Variants in MYO15B observed in about 807,000 individuals in gnomAD.
The protein encoded by MYO15B is myosin XVB pseudogene.
A neutral mutation model predicts 119.3 loss-of-function variants in MYO15B; 207 were observed. The ratio of observed to expected loss-of-function variants is 1.73; its 90% CI spans 1.55 to 1.95. MYO15B has a LOEUF of 1.95. MYO15B is among the 30% of genes most tolerant of loss of function. MYO15B has a pLI of 0.00. For missense variants in MYO15B, 2,264 were observed against 1,203.1 expected, an observed-to-expected ratio of 1.88 and a Z score of -13.04; for synonymous variants, 966 against 498.9, an observed-to-expected ratio of 1.94 and a Z score of -12.48.
In MYO15B at chr17:75,614,867, C is replaced by T. The variant is rs2058266962; in HGVS notation, c.5559+18C>T. The T allele has an allele frequency of 2.8e-6, 2 of 702,756 alleles. No individual in the cohort carries two copies. The highest frequency in any genetic ancestry group is 2.7e-5 in the East Asian group (1 of 37,296). 43.5% of individuals were successfully genotyped at this position (702,756 alleles called of 1,614,324 possible). ...GCCTCAGCGTGAGTCGGGCACAGCC[C>T]CCAAATGCCCCTGCCCCAACCCCCC... On this transcript the variant is annotated intron_variant, in intron 32 of 63. Coordinates refer to ENST00000645453, the Ensembl canonical transcript of MYO15B.
chr17:75,595,192 G>A (rs1733419017), intron 12 of MYO15B: 1 of 596,386 alleles, frequency 1.7e-6, no homozygotes, highest in Non-Finnish European at 3.0e-6. Flanking sequence ...TGAGGATTTA[G>A]AATCTCTCAA....
chr17:75,613,891 AG>A, intron 29 of MYO15B, 114 bp downstream of exon 29: 1 of 612,456 alleles, frequency 1.6e-6, no homozygotes, highest in Non-Finnish European at 2.9e-6. Context: ...CGGGGTGGGC[AG>A]GGGCCAGACT....
intron 27 of MYO15B, 24 bp from the exon 28 acceptor site, chr17:75,613,269 C>T: frequency 1.5e-6 from 1 of 670,118 alleles, no homozygotes; most frequent in Non-Finnish European, 2.7e-6. Flanking sequence ...CCTGCCTCCA[C>T]TGCAGCCTGT....
chr17:75,626,717 G>C, exon 64 of MYO15B: 2 of 574,936 alleles, frequency 3.5e-6, no homozygotes, highest in South Asian at 4.1e-5. Context: ...GCAGGAACTC[G>C]GCTGGGGCAC....
chr17:75,593,600 C>T (rs187395661), intron 9 of MYO15B, among the ~76,000 whole-genome samples: 35 of 145,980 alleles, frequency 2.4e-4, no homozygotes, highest in African/African-American at 6.5e-4. Context: ...GGTGACAGAG[C>T]GAGACTCCGT....
At chr17:75,614,175 A>G (rs2148005437) in intron 29 of MYO15B, 24 bp from the exon 30 acceptor site, 2 of 693,056 alleles carry the variant, frequency 2.9e-6, no homozygotes, top group Non-Finnish European at 5.3e-6. Context: ...CGCCTGCCTC[A>G]CTGACTGGTC....
chr17:75,617,872 G>C (rs1286974133), exon 42 of MYO15B: 3 of 702,886 alleles, frequency 4.3e-6, no homozygotes, highest in Admixed American at 2.0e-5. Context: ...CTCTGGCAGC[G>C]TGTGCTTCTC....
At chr17:75,596,521 T>C (rs866151597) in exon 13 of MYO15B, 1 of 703,010 alleles carries the variant, frequency 1.4e-6, no homozygotes, top group South Asian at 1.5e-5. Flanking sequence ...CGCCTACAGC[T>C]CTTCTCCAGC....
chr17:75,619,013 G>GCA (rs1358207986), intron 43 of MYO15B, 130 bp from the exon 44 acceptor site: 1 of 649,864 alleles, frequency 1.5e-6, no homozygotes, highest in African/African-American at 1.8e-5. Flanking sequence ...CCTCTGCTGA[G>GCA]CACACAGGCC....
chr17:75,599,278 G>A (rs1263356544), intron 14 of MYO15B, among the ~76,000 whole-genome samples: 2 of 143,966 alleles, frequency 1.4e-5, no homozygotes, highest in African/African-American at 5.7e-5. Context: ...TTTTGAAAGT[G>A]ATTTTTTTTT....
chr17:75,613,820 C>A (rs574315150), intron 29 of MYO15B, 43 bp downstream of exon 29: 2 of 681,916 alleles, frequency 2.9e-6, no homozygotes, highest in Non-Finnish European at 5.3e-6. Context: ...CAAAGTGACC[C>A]TTGTCCTATA....
At chr17:75,591,119 C>T in intron 3 of MYO15B, 53 bp from the exon 4 acceptor site, 1 of 701,946 alleles carries the variant, frequency 1.4e-6, no homozygotes, top group Non-Finnish European at 2.6e-6. Context: ...ACCTCTGCTA[C>T]ACCTCGGAGG....
chr17:75,625,195 G>A (rs947359291), exon 60 of MYO15B: 32 of 702,428 alleles, frequency 4.6e-5, no homozygotes, highest in East Asian at 3.8e-4. Context: ...CAGGCTGGCC[G>A]CCCTGCAGCA....
chr17:75,624,589 C>T (rs547975613), exon 58 of MYO15B: 68 of 702,992 alleles, frequency 9.7e-5, no homozygotes, highest in Middle Eastern at 2.3e-4. Flanking sequence ...ATGGGTATCA[C>T]GGAGCCTCAG....
exon 63 of MYO15B, chr17:75,626,146 T>C: frequency 1.4e-6 from 1 of 702,608 alleles, no homozygotes; most frequent in Admixed American, 2.0e-5. Flanking sequence ...CTAAGCCCTC[T>C]GGAGGAGAAG....
rs1055202337 is a variant in MYO15B, at chr17:75,589,613, C to T, written c.1556C>T (p.Ser519Phe). The T allele has an allele frequency of 1.8e-5, 7 of 398,846 alleles. No individual in the cohort carries two copies. The highest frequency in any genetic ancestry group is 1.2e-4 in the African/African-American group (6 of 48,730). 24.7% of individuals were successfully genotyped at this position (398,846 alleles called of 1,614,324 possible). A position where few individuals can be genotyped will look rare whatever the true frequency, so the allele number is the denominator to read the frequency against. Residue 519 changes from serine (S) to phenylalanine (F), a missense_variant, in exon 1 of 64, where the codon TCC (serine) becomes TTC (phenylalanine). Coordinates refer to ENST00000645453, the Ensembl canonical transcript of MYO15B. The surrounding 1 kb of genome is among the most constrained non-coding windows in gnomAD (Gnocchi z 4.2). ...CCGAGGGCTTCCCCTGGTGGCCGCT[C>T]CCCGCAGGTCCCGACAAGCCCAGTC...
Position 75,614,767 on chromosome 17 carries a change from C to G in MYO15B, c.5483-6C>G. ...CCATGGCTCCAACCCTCTCCCTGCC[C>G]CACAGGGGAGGTCCAGAGGTCAGGG... is the stretch of plus-strand genomic sequence containing the variant. On this transcript the variant is annotated splice_region_variant and splice_polypyrimidine_tract_variant and intron_variant, in intron 31 of 63. Transcript: ENST00000645453. 1 of 702,830 alleles carries G rather than the reference C, an allele frequency of 1.4e-6. No individual in the cohort carries two copies. The highest frequency in any genetic ancestry group is 2.6e-6 in the Non-Finnish European group (1 of 385,010). 43.5% of individuals were successfully genotyped at this position (702,830 alleles called of 1,614,324 possible).
exon 38 of MYO15B, chr17:75,616,407 G>GAGGAGGAGGAGC: frequency 1.6e-6 from 1 of 625,348 alleles, no homozygotes; most frequent in Non-Finnish European, 2.9e-6. Flanking sequence ...GGAGGAGGAG[G>GAGGAGGAGGAGC]AGGAGGAGCA....
chr17:75,605,301 G>A (rs1409988625), intron 19 of MYO15B, among the ~76,000 whole-genome samples: 1 of 152,152 alleles, frequency 6.6e-6, no homozygotes, highest in African/African-American at 2.4e-5. Context: ...GCCGGGTGCG[G>A]TGGCGGGCAC....
Sources: allele counts gnomAD v4.1 joint callset (sites outside exome capture counted in the v4.1 genomes callset), GRCh38; gene constraint gnomAD v4.1.1; non-coding constraint Gnocchi (gnomAD v3.1); transcripts MANE v1.5; gene names NCBI Gene and HGNC (gene_info 2026-07-23, HGNC 2026-07-21).